ZNF385D: variants seen among roughly 807,000 people sequenced by gnomAD.
ZNF385D encodes zinc finger protein 659.
Under a neutral mutation model 35.8 loss-of-function variants are expected in ZNF385D, and 15 were observed. The observed-to-expected ratio is 0.42, with a 90% CI of 0.28 to 0.64. The LOEUF (loss-of-function observed/expected upper bound fraction) is 0.64, where lower values mean the gene tolerates loss of function less well. Among genes scored for constraint, ZNF385D ranks in the 30% least tolerant of loss-of-function variants. ZNF385D has a pLI of 0.23. For synonymous variants in ZNF385D, 212 were observed against 186.8 expected (o/e 1.13, Z -1.10); for missense variants, 474 against 494.6 (o/e 0.96, Z 0.39).
At chr3:21,849,782 T>A (rs1454053047) in intron 3 of ZNF385D, 1 of 151,182 alleles carries the variant, frequency 6.6e-6, no homozygotes, top group Admixed American at 6.6e-5. Context: ...AGGTCTAAAC[T>A]TTTTTTTTGT....
intron 2 of ZNF385D, among the ~76,000 whole-genome samples, chr3:22,344,159 A>T (rs7623352): frequency 0.094 from 12,593 of 134,440 alleles, 932 homozygotes; most frequent in African/African-American, 0.22. Flanking sequence ...TTATAGGCAC[A>T]TGGGTAGGGT....
chr3:22,119,430 T>C (rs772455819), intron 3 of ZNF385D, among the ~76,000 whole-genome samples: 3 of 152,158 alleles, frequency 2.0e-5, no homozygotes, highest in South Asian at 2.1e-4. Context: ...AGACATAATT[T>C]GTTGGGGGGA....
At position 21,464,008 on chromosome 3, in the gene ZNF385D, T is replaced by C. The variant is rs1575192454; in HGVS notation, c.440-26805A>G. On this transcript the variant is annotated intron_variant, in intron 4 of 7. Coordinates refer to ENST00000281523, the MANE Select transcript of ZNF385D (RefSeq NM_024697.3). ...ACATGAAACAAAGCAATTAATGAAG[T>C]TCACTCAGCTGAGGTAAATGCTGCA... Among the ~76,000 whole-genome samples the C allele has an allele frequency of 2.0e-5, 3 of 152,240 alleles. No homozygotes were observed. In the South Asian group the frequency reaches 6.2e-4, roughly 32 times the overall value.
chr3:21,717,996 A>C (rs1444349071), intron 1 of ZNF385D, among the ~76,000 whole-genome samples: 2 of 152,188 alleles, frequency 1.3e-5, no homozygotes, highest in African/African-American at 4.8e-5. Context: ...TGCATCTCAA[A>C]GTTTCAAATT....
At chr3:21,584,321 TTCTG>T (rs1344239151) in intron 2 of ZNF385D, among the ~76,000 whole-genome samples, 1 of 152,160 alleles carries the variant, frequency 6.6e-6, no homozygotes, top group African/African-American at 2.4e-5. Context: ...AACTGAAATA[TTCTG>T]TCTTTTAACT....
chr3:22,124,638 G>T (rs759061631), intron 3 of ZNF385D, among the ~76,000 whole-genome samples: 9 of 152,070 alleles, frequency 5.9e-5, no homozygotes, highest in Non-Finnish European at 1.3e-4. Context: ...GTAATATATC[G>T]CTGTAGTTTG....
chr3:21,989,395 T>C (rs1695020043), intron 3 of ZNF385D, among the ~76,000 whole-genome samples: 1 of 152,150 alleles, frequency 6.6e-6, no homozygotes, highest in South Asian at 2.1e-4. Flanking sequence ...TACGTAGGAA[T>C]ACAGTTATGA....
chr3:22,066,560 G>A (rs1244618250), intron 3 of ZNF385D, among the ~76,000 whole-genome samples: 10 of 122,798 alleles, frequency 8.1e-5, no homozygotes, highest in African/African-American at 2.7e-4. Context: ...GTGTGTGTGT[G>A]TGTGTGTGTG....
chr3:22,124,908 GC>G (rs1427190523), intron 3 of ZNF385D, among the ~76,000 whole-genome samples: 1 of 152,062 alleles, frequency 6.6e-6, no homozygotes, highest in Non-Finnish European at 1.5e-5. Context: ...CTGCATAGAA[GC>G]TTTTTAATTT....
chr3:22,254,574 C>G (rs1167583762), intron 2 of ZNF385D, among the ~76,000 whole-genome samples: 1 of 151,812 alleles, frequency 6.6e-6, no homozygotes, highest in Non-Finnish European at 1.5e-5. Flanking sequence ...ACCCCCTTAT[C>G]TATATTCCAA....
chr3:22,349,939 C>G lies in ZNF385D; in HGVS notation c.106+22511G>C, dbSNP rs73822153. 4.3e-3 allele frequency among the ~76,000 whole-genome samples: 649 copies of G among 152,178 alleles called. 2 individuals are homozygous for G. Among genetic ancestry groups the G allele is most frequent in the African/African-American group, 0.015 (627 of 41,548 alleles). On this transcript the variant is annotated intron_variant, in intron 2 of 5. Transcript: ENST00000494108. ...GTTGTAAAATATAAGCAAAAGATTACAAGTGTGAAATAATAATAATGCAAT... is the reference window on the plus strand; with the variant it reads ...GTTGTAAAATATAAGCAAAAGATTAGAAGTGTGAAATAATAATAATGCAAT...
intron 2 of ZNF385D, among the ~76,000 whole-genome samples, chr3:22,287,546 T>C (rs1396499914): frequency 2.0e-5 from 3 of 151,976 alleles, no homozygotes; most frequent in Non-Finnish European, 4.4e-5. Flanking sequence ...TGCTTTTTGG[T>C]TATGCTGAGG....
intron 2 of ZNF385D, among the ~76,000 whole-genome samples, chr3:22,277,212 G>A (rs1037092605): frequency 9.2e-5 from 14 of 152,108 alleles, no homozygotes; most frequent in Admixed American, 2.6e-4. Context: ...AGTTAGCAGT[G>A]GTGAGAGAAG....
At chr3:21,714,522 C>A (rs1174113032) in intron 1 of ZNF385D, among the ~76,000 whole-genome samples, 1 of 152,192 alleles carries the variant, frequency 6.6e-6, no homozygotes, top group African/African-American at 2.4e-5. Flanking sequence ...ATATTCCAAG[C>A]TAAGGCCAAT....
intron 2 of ZNF385D, among the ~76,000 whole-genome samples, chr3:22,279,497 T>C (rs1320654463): frequency 7.1e-6 from 1 of 141,082 alleles, no homozygotes. Flanking sequence ...GGAATATACA[T>C]ATGTACATAT....
chr3:22,084,412 A>AG (rs1404329996), intron 3 of ZNF385D, among the ~76,000 whole-genome samples: 42 of 152,294 alleles, frequency 2.8e-4, no homozygotes, highest in Non-Finnish European at 3.1e-4. Flanking sequence ...AAACAAAAAA[A>AG]GCAGGGGTTG....
At chr3:22,163,567 C>T (rs1441108070) in intron 3 of ZNF385D, among the ~76,000 whole-genome samples, 2 of 152,056 alleles carry the variant, frequency 1.3e-5, no homozygotes, top group Admixed American at 1.3e-4. Context: ...ATAGACTATG[C>T]CTCAAGGCAT....
chr3:22,123,986 A>ATATATATATATATATATG lies in ZNF385D; in HGVS notation c.325+44830_325+44831insCATATATATATATATATA, dbSNP rs753742081. On this transcript the variant is annotated intron_variant, in intron 3 of 5. Coordinates refer to the ZNF385D transcript ENST00000494108. Reference sequence around the variant, plus strand: ...TCTATATATATATATATATATATATATATTGCTGACTGAACTCATCCTGTT... The same window carrying ATATATATATATATATATG: ...TCTATATATATATATATATATATATATATATATATATATATATGTATTGCTGACTGAACTCATCCTGTT... Among the ~76,000 whole-genome samples, 124 of 122,286 alleles carry ATATATATATATATATATG rather than the reference A, an allele frequency of 1.0e-3. 1 individual carries two copies. The highest frequency in any genetic ancestry group is 1.7e-3 in the Non-Finnish European group (96 of 58,084). 80.2% of individuals were successfully genotyped at this position (122,286 alleles called of 152,430 possible).
chr3:21,847,114 C>T lies in ZNF385D; in HGVS notation c.326-182086G>A, dbSNP rs146943734. On this transcript the variant is annotated intron_variant, in intron 3 of 5. Transcript: ENST00000494108. ...CCCCTACCAGCTGTCAAAGATTTCACCTCTGGAAATCCAGATGCTAAAGCA... is the reference window on the plus strand; with the variant it reads ...CCCCTACCAGCTGTCAAAGATTTCATCTCTGGAAATCCAGATGCTAAAGCA... Among the ~76,000 whole-genome samples the T allele has an allele frequency of 4.6e-5, 7 of 152,158 alleles. No individual in the cohort carries two copies. The East Asian group carries it at 1.4e-3, about 30-fold the overall frequency.
Sources: gnomAD v4.1 joint callset for allele counts (sites outside exome capture counted in the v4.1 genomes callset) on GRCh38, gnomAD v4.1.1 for gene constraint, MANE v1.5 for transcripts, NCBI Gene and HGNC (gene_info 2026-07-23, HGNC 2026-07-21) for gene names.